NLGN1: variants seen among roughly 807,000 people sequenced by gnomAD.
The protein encoded by NLGN1 is neuroligin 1.
A neutral mutation model predicts 65.5 loss-of-function variants in NLGN1; 12 were observed. The ratio of observed to expected loss-of-function variants is 0.18; its 90% CI spans 0.12 to 0.30. The LOEUF is 0.30. NLGN1 is among the 10% of genes least tolerant of loss of function. The pLI is 1.00. For missense variants in NLGN1, 750 were observed against 1,007.1 expected (o/e 0.74, Z 3.46); for synonymous variants, 350 against 359.5 (o/e 0.97, Z 0.30).
chr3:174,103,704 T>G (rs1713075405), intron 4 of NLGN1, among the ~76,000 whole-genome samples: 1 of 152,114 alleles, frequency 6.6e-6, no homozygotes, highest in Non-Finnish European at 1.5e-5. Flanking sequence ...CATAAAGATA[T>G]TATTACCTAT....
chr3:174,025,149 G>T (rs959897612), intron 4 of NLGN1, among the ~76,000 whole-genome samples: 14 of 152,194 alleles, frequency 9.2e-5, no homozygotes, highest in African/African-American at 3.4e-4. Context: ...ATAAATTTAT[G>T]TAGAATTTTT....
At chr3:174,220,656 C>G (rs1265891015) in intron 4 of NLGN1, among the ~76,000 whole-genome samples, 1 of 152,076 alleles carries the variant, frequency 6.6e-6, no homozygotes, top group African/African-American at 2.4e-5. Flanking sequence ...CATTGATTAC[C>G]TCAGACATTA....
chr3:173,477,674 G>A (rs1726475039), intron 2 of NLGN1, among the ~76,000 whole-genome samples: 1 of 152,178 alleles, frequency 6.6e-6, no homozygotes, highest in Admixed American at 6.5e-5. Context: ...GAAAATGGAA[G>A]CATGGAAGCT....
In NLGN1 at chr3:173,796,388, CA is replaced by C. The variant is rs138810039; in HGVS notation, c.494-11291del. ...TAAGAATGCATCGCACGTCCTTTAC[CA>C]GAACCCATACTTTGAATTATGCTCA... On this transcript the variant is annotated intron_variant, in intron 3 of 6. Transcript: ENST00000457714. 6.0e-3 allele frequency among the ~76,000 whole-genome samples: 916 copies of C among 152,214 alleles called. 16 individuals carry two copies. Among genetic ancestry groups the C allele is most frequent in the African/African-American group, 0.021 (869 of 41,548 alleles).
At chr3:173,814,388 G>A (rs1038066812) in intron 4 of NLGN1, among the ~76,000 whole-genome samples, 2 of 152,200 alleles carry the variant, frequency 1.3e-5, no homozygotes, top group African/African-American at 4.8e-5. Flanking sequence ...TTTAGATTGA[G>A]TACTAAAATG....
chr3:174,257,039 C>G lies in NLGN1; in HGVS notation c.647-18276C>G, dbSNP rs138164381. 3.6e-3 allele frequency among the ~76,000 whole-genome samples: 552 copies of G among 152,098 alleles called. 5 individuals carry two copies. Among genetic ancestry groups the G allele is most frequent in the Non-Finnish European group, 3.0e-3 (207 of 67,950 alleles). On this transcript the variant is annotated intron_variant, in intron 4 of 6. Transcript: ENST00000457714. The stretch of plus-strand genomic sequence containing the variant: ...GACAAAGGTCTAATATCCAACATCT[C>G]TAAGGAACTTAAACCAATTTATAAG...
intron 4 of NLGN1, among the ~76,000 whole-genome samples, chr3:174,023,496 G>T: frequency 6.6e-6 from 1 of 152,112 alleles, no homozygotes; most frequent in Admixed American, 6.6e-5. Flanking sequence ...CATAGAAAGC[G>T]TATTGGAAAA....
chr3:173,726,092 C>T (rs758933725), intron 3 of NLGN1, among the ~76,000 whole-genome samples: 10 of 151,940 alleles, frequency 6.6e-5, no homozygotes, highest in East Asian at 3.9e-4. Flanking sequence ...GGAGTAAAGT[C>T]GCCTTTTCCT....
intron 2 of NLGN1, among the ~76,000 whole-genome samples, chr3:173,601,736 G>A (rs538346308): frequency 1.1e-4 from 16 of 151,966 alleles, no homozygotes; most frequent in South Asian, 6.2e-4. Flanking sequence ...GTTTTAACAT[G>A]ATTTTGTGTA....
chr3:173,792,618 C>T (rs7616834), intron 3 of NLGN1, among the ~76,000 whole-genome samples: 2,066 of 151,934 alleles, frequency 0.014, 43 homozygotes, highest in African/African-American at 0.047. Context: ...TTTTGTTCAA[C>T]GGCACAAGAC....
intron 2 of NLGN1, among the ~76,000 whole-genome samples, chr3:173,525,202 G>A (rs1345204349): frequency 6.6e-6 from 1 of 151,882 alleles, no homozygotes; most frequent in Non-Finnish European, 1.5e-5. Context: ...GAGTTTGGCT[G>A]TGAATCTGTC....
chr3:173,807,809 T>C (rs1347143286), exon 4 of NLGN1: 11 of 1,613,626 alleles, frequency 6.8e-6, no homozygotes, highest in Non-Finnish European at 9.3e-6. Flanking sequence ...GTCATCACAG[T>C]CAACTATCGA....
chr3:173,943,019 G>A (rs1324490240), intron 4 of NLGN1, among the ~76,000 whole-genome samples: 1 of 152,016 alleles, frequency 6.6e-6, no homozygotes, highest in Non-Finnish European at 1.5e-5. Context: ...GAGACCAGGA[G>A]TCTGAGACCC....
chr3:174,043,543 A>G (rs776673367), intron 4 of NLGN1, among the ~76,000 whole-genome samples: 2 of 152,242 alleles, frequency 1.3e-5, no homozygotes, highest in Non-Finnish European at 2.9e-5. Flanking sequence ...CCAAAATCCA[A>G]TAGAGCATTC....
intron 4 of NLGN1, among the ~76,000 whole-genome samples, chr3:173,968,010 C>T (rs147254389): frequency 5.6e-4 from 85 of 152,274 alleles, no homozygotes; most frequent in African/African-American, 1.9e-3. Flanking sequence ...CAGTAACTTA[C>T]AATTCAAATG....
chr3:173,423,781 G>C (rs1269957713), intron 1 of NLGN1, among the ~76,000 whole-genome samples: 1 of 152,162 alleles, frequency 6.6e-6, no homozygotes, highest in Non-Finnish European at 1.5e-5. Context: ...AATGCAAGCT[G>C]TTGGCAGATC....
chr3:173,821,688 A>G (rs974789933), intron 4 of NLGN1, among the ~76,000 whole-genome samples: 5 of 152,116 alleles, frequency 3.3e-5, no homozygotes, highest in Admixed American at 2.0e-4. Context: ...TTTTGGAAGA[A>G]CATGTTTACA....
chr3:173,577,888 CAGAT>C (rs1745764929), intron 2 of NLGN1, among the ~76,000 whole-genome samples: 1 of 151,940 alleles, frequency 6.6e-6, no homozygotes. Context: ...GATATATAGA[CAGAT>C]AGATAGAGAC....
chr3:173,857,020 TAAA>T (rs59155869), intron 4 of NLGN1, among the ~76,000 whole-genome samples: 10 of 139,870 alleles, frequency 7.1e-5, no homozygotes, highest in African/African-American at 8.1e-5. Flanking sequence ...AGGCGTTAGA[TAAA>T]AAAAAAAAAA....
Sources: allele counts gnomAD v4.1 joint callset (sites outside exome capture counted in the v4.1 genomes callset), GRCh38; gene constraint gnomAD v4.1.1; transcripts MANE v1.5; gene names NCBI Gene and HGNC (gene_info 2026-07-23, HGNC 2026-07-21).